Variants in MACROD2 observed in about 807,000 individuals in gnomAD.
MACROD2 encodes ADP-ribose glycohydrolase MACROD2.
Under a neutral mutation model 70.4 loss-of-function variants are expected in MACROD2, and 36 were observed. The ratio of observed to expected loss-of-function variants is 0.51; its 90% CI spans 0.39 to 0.68. MACROD2 has a LOEUF of 0.68. Ranked by LOEUF, MACROD2 falls within the 30% of genes least tolerant of loss-of-function variation. The pLI, the probability that MACROD2 is intolerant of heterozygous loss-of-function variation, is 0.00. For missense variants in MACROD2, 496 were observed against 538.4 expected (o/e 0.92, Z 0.78); for synonymous variants, 172 against 178.8 (o/e 0.96, Z 0.30).
intron 8 of MACROD2, among the ~76,000 whole-genome samples, chr20:15,816,910 CTT>C (rs1247544218): frequency 6.6e-6 from 1 of 152,136 alleles, no homozygotes; most frequent in Non-Finnish European, 1.5e-5. Flanking sequence ...ATGGTAGAGA[CTT>C]TGTCTAATGG....
chr20:15,211,538 G>A (rs1333392104), intron 5 of MACROD2, among the ~76,000 whole-genome samples: 1 of 152,138 alleles, frequency 6.6e-6, no homozygotes, highest in African/African-American at 2.4e-5. Context: ...TAATGAGTGA[G>A]TTATCACTCT....
intron 8 of MACROD2, among the ~76,000 whole-genome samples, chr20:15,813,479 G>A (rs1376872811): frequency 6.6e-6 from 1 of 152,120 alleles, no homozygotes; most frequent in Non-Finnish European, 1.5e-5. Flanking sequence ...GTCACACCTT[G>A]AATATTAAAA....
At chr20:14,851,261 T>C (rs1421137591) in intron 5 of MACROD2, among the ~76,000 whole-genome samples, 4 of 152,156 alleles carry the variant, frequency 2.6e-5, no homozygotes, top group African/African-American at 9.7e-5. Flanking sequence ...TACTGGAGGC[T>C]GGACACCACA....
At chr20:14,285,109 GA>G (rs1201274209) in intron 3 of MACROD2, among the ~76,000 whole-genome samples, 1 of 151,848 alleles carries the variant, frequency 6.6e-6, no homozygotes, top group East Asian at 1.9e-4. Flanking sequence ...AGAAAGGAAA[GA>G]AAAAAATACA....
chr20:14,478,806 C>G lies in MACROD2; in HGVS notation c.272-14673C>G. On this transcript the variant is annotated intron_variant, in intron 3 of 17. Coordinates refer to ENST00000684519, the MANE Select transcript of MACROD2 (RefSeq NM_001351661.2). ...TAGCCTACTTTAGTGGGCAGTAGTT[C>G]TAAGGACAATTTAATTTTCCAAGAT... 2.0e-5 allele frequency among the ~76,000 whole-genome samples: 3 copies of G among 152,118 alleles called. No individual in the cohort carries two copies. In the South Asian group the frequency reaches 6.2e-4, roughly 32 times the overall value.
At chr20:14,288,791 C>A (rs140824372) in intron 3 of MACROD2, among the ~76,000 whole-genome samples, 5 of 152,330 alleles carry the variant, frequency 3.3e-5, no homozygotes, top group African/African-American at 9.6e-5. Flanking sequence ...GTGGTGAAAG[C>A]ATGACATATG....
intron 7 of MACROD2, among the ~76,000 whole-genome samples, chr20:15,478,378 C>T (rs1184330785): frequency 6.6e-6 from 1 of 152,148 alleles, no homozygotes; most frequent in African/African-American, 2.4e-5. Flanking sequence ...CAGAGAAAGT[C>T]TTTAGAAAGA....
intron 5 of MACROD2, among the ~76,000 whole-genome samples, chr20:14,911,804 A>G (rs1042488264): frequency 2.6e-5 from 4 of 152,074 alleles, no homozygotes; most frequent in Admixed American, 6.6e-5. Context: ...TATGAATTAA[A>G]CCTCACAACA....
Position 14,689,116 on chromosome 20 carries a change from C to T in MACROD2, c.418+4157C>T, listed in dbSNP as rs149622650. ...GTGAACCTGGTCCTCAAAGCCTTTGCACTGGCATTCCTTCTGCTGGATTTC... is the reference window on the plus strand; with the variant it reads ...GTGAACCTGGTCCTCAAAGCCTTTGTACTGGCATTCCTTCTGCTGGATTTC... On this transcript the variant is annotated intron_variant, in intron 5 of 17. Transcript: ENST00000684519. Among the ~76,000 whole-genome samples the T allele has an allele frequency of 6.6e-5, 10 of 152,262 alleles. No homozygotes were observed. The East Asian group carries it at 1.5e-3, about 24-fold the overall frequency.
At chr20:14,007,309 T>A (rs2052837054) in intron 2 of MACROD2, among the ~76,000 whole-genome samples, 1 of 152,162 alleles carries the variant, frequency 6.6e-6, no homozygotes, top group Admixed American at 6.5e-5. Flanking sequence ...CCTAAAATCC[T>A]CCACAGGTGA....
intron 5 of MACROD2, among the ~76,000 whole-genome samples, chr20:15,019,960 G>A (rs560669470): frequency 1.3e-5 from 2 of 152,232 alleles, no homozygotes; most frequent in South Asian, 4.2e-4. Flanking sequence ...ATTTATTCTA[G>A]TAATGAAAAG....
At chr20:14,416,037 C>A (rs1326135174) in intron 3 of MACROD2, among the ~76,000 whole-genome samples, 1 of 151,582 alleles carries the variant, frequency 6.6e-6, no homozygotes, top group African/African-American at 2.4e-5. Flanking sequence ...CAGCTCACTG[C>A]AACCTCCGAC....
intron 5 of MACROD2, among the ~76,000 whole-genome samples, chr20:15,150,684 G>T (rs1025622554): frequency 2.0e-5 from 3 of 151,884 alleles, no homozygotes; most frequent in African/African-American, 7.3e-5. Flanking sequence ...AAGGTGGGGG[G>T]ATACAAGAGG....
intron 5 of MACROD2, among the ~76,000 whole-genome samples, chr20:14,868,846 T>C (rs1309661942): frequency 6.6e-6 from 1 of 152,162 alleles, no homozygotes; most frequent in Non-Finnish European, 1.5e-5. Flanking sequence ...TATTGCCATA[T>C]TGAACTGGAG....
chr20:15,410,280 C>T (rs2046059387), intron 6 of MACROD2, among the ~76,000 whole-genome samples: 1 of 152,184 alleles, frequency 6.6e-6, no homozygotes, highest in Non-Finnish European at 1.5e-5. Context: ...TTACGACTAT[C>T]TAATGGATCT....
At chr20:15,941,588 A>G (rs1202020293) in intron 12 of MACROD2, among the ~76,000 whole-genome samples, 2 of 152,198 alleles carry the variant, frequency 1.3e-5, no homozygotes, top group African/African-American at 2.4e-5. Context: ...AACATTCTCC[A>G]TTATTAGCTT....
At chr20:14,442,096 C>T (rs1379247586) in intron 3 of MACROD2, among the ~76,000 whole-genome samples, 2 of 151,966 alleles carry the variant, frequency 1.3e-5, no homozygotes, top group Non-Finnish European at 2.9e-5. Flanking sequence ...ATGGCGAAAC[C>T]CCATCTCTAC....
chr20:15,488,948 G>C (rs760881320), intron 7 of MACROD2, among the ~76,000 whole-genome samples: 3 of 152,100 alleles, frequency 2.0e-5, no homozygotes, highest in Non-Finnish European at 4.4e-5. Context: ...TAATTCCTTA[G>C]GCAAAAGATG....
intron 5 of MACROD2, among the ~76,000 whole-genome samples, chr20:15,207,763 A>C (rs2076724531): frequency 6.6e-6 from 1 of 152,166 alleles, no homozygotes; most frequent in East Asian, 1.9e-4. Flanking sequence ...ATTACTTCTG[A>C]TGAGGAATCC....
Sources: allele counts gnomAD v4.1 joint callset (sites outside exome capture counted in the v4.1 genomes callset), GRCh38; gene constraint gnomAD v4.1.1; transcripts MANE v1.5; gene names NCBI Gene and HGNC (gene_info 2026-07-23, HGNC 2026-07-21).